FAP: variants seen among roughly 807,000 people sequenced by gnomAD.
The protein encoded by FAP is fibroblast activation protein alpha.
In FAP, 110 loss-of-function variants were observed where a neutral mutation model predicts 126.5. That is an observed-to-expected ratio of 0.87 (90% CI 0.74 to 1.02). The LOEUF is 1.02. Among genes scored for constraint, FAP ranks in the 50% least tolerant of loss-of-function variants. FAP has a pLI of 0.00. For synonymous variants in FAP, 334 were observed against 297.3 expected (o/e 1.12, Z -1.27); for missense variants, 919 against 909.2 (o/e 1.01, Z -0.14).
Position 162,189,134 on chromosome 2 carries a change from T to G in FAP, c.1588A>C (p.Arg530=). The change falls in exon 19 of 26, where the codon AGA becomes CGA. Residue 530 remains arginine, a synonymous_variant. Coordinates refer to ENST00000188790, the MANE Select transcript of FAP (RefSeq NM_004460.5). ...YKMILPPQFD[R]SKKYPLLIQV... ...ATTAGCAAGGGATACTTCTTTGATC[T>G]GTCAAATTGAGGAGGAAGAATCATC... 6.2e-7 allele frequency: 1 copy of G among 1,603,718 alleles called. No homozygotes were observed. Among genetic ancestry groups the G allele is most frequent in the Non-Finnish European group, 8.5e-7 (1 of 1,174,230 alleles).
intron 2 of FAP, among the ~76,000 whole-genome samples, chr2:162,234,256 G>T (rs1303997087): frequency 6.6e-6 from 1 of 152,168 alleles, no homozygotes; most frequent in Non-Finnish European, 1.5e-5. Flanking sequence ...AAGCTATCCA[G>T]GATTTGGATA....
chr2:162,192,255 A>G (rs1688074078), intron 17 of FAP, among the ~76,000 whole-genome samples: 1 of 152,016 alleles, frequency 6.6e-6, no homozygotes, highest in Non-Finnish European at 1.5e-5. Context: ...CCACTGCTCC[A>G]CTGAAATGGC....
intron 6 of FAP, 87 bp downstream of exon 6, chr2:162,223,519 TAA>T: frequency 1.2e-6 from 1 of 826,900 alleles, no homozygotes; most frequent in Non-Finnish European, 2.1e-6. Context: ...ATTAAGAAGA[TAA>T]AGTCTTCTTA....
intron 17 of FAP, among the ~76,000 whole-genome samples, chr2:162,194,345 A>AAAC (rs1407322409): frequency 2.0e-5 from 3 of 151,892 alleles, no homozygotes; most frequent in African/African-American, 7.3e-5. Context: ...AAAAAAAAAA[A>AAAC]AACACCCTAG....
rs759877611 is a variant in FAP, at chr2:162,173,789, T to A, written c.1970-2A>T. The A allele has an allele frequency of 3.2e-6, 5 of 1,580,450 alleles. No homozygotes were observed. The highest frequency in any genetic ancestry group is 4.3e-6 in the Non-Finnish European group (5 of 1,150,078). On this transcript the variant is annotated splice_acceptor_variant, in intron 22 of 25. Transcript: ENST00000188790. LOFTEE classifies it high-confidence loss of function. ...TGAATCTCTCTGTGTAGACAGACGC[T>A]ATAAAATATATGAGAATATGCATTG...
At chr2:162,227,083 A>G (rs986294037) in intron 2 of FAP, among the ~76,000 whole-genome samples, 1 of 152,104 alleles carries the variant, frequency 6.6e-6, no homozygotes, top group Non-Finnish European at 1.5e-5. Flanking sequence ...TTTGGTTCAG[A>G]TTTCAACTGA....
chr2:162,179,804 ATATATATAT>A (rs201815603), intron 21 of FAP, among the ~76,000 whole-genome samples: 4,822 of 139,776 alleles, frequency 0.034, 427 homozygotes, highest in Admixed American at 0.21. Context: ...ATATATATAT[ATATATATAT>A]TTTTTTTTTT....
At chr2:162,235,034 C>T (rs75229796) in intron 2 of FAP, among the ~76,000 whole-genome samples, 5,496 of 152,232 alleles carry the variant, frequency 0.036, 467 homozygotes, top group Admixed American at 0.21. Context: ...GCTGGCCCAC[C>T]GAGGCTGCCC....
chr2:162,184,756 A>C (rs1687805213), intron 20 of FAP, among the ~76,000 whole-genome samples: 1 of 151,568 alleles, frequency 6.6e-6, no homozygotes, highest in Non-Finnish European at 1.5e-5. Flanking sequence ...AAAGAAGAGA[A>C]GGTTCACTTT....
chr2:162,196,211 T>C (rs1688247110), intron 16 of FAP, among the ~76,000 whole-genome samples: 1 of 152,168 alleles, frequency 6.6e-6, no homozygotes, highest in South Asian at 2.1e-4. Context: ...AAAGATAATA[T>C]TTTGGTTTCC....
At chr2:162,226,669 C>T in intron 2 of FAP, 48 bp from the exon 3 acceptor site, 1 of 1,019,880 alleles carries the variant, frequency 9.8e-7, no homozygotes, top group South Asian at 1.5e-5. Flanking sequence ...AGGTTAACAA[C>T]TCAAATAAAT....
At chr2:162,205,497 T>C (rs968400148) in intron 12 of FAP, among the ~76,000 whole-genome samples, 4 of 152,168 alleles carry the variant, frequency 2.6e-5, no homozygotes, top group African/African-American at 7.2e-5. Context: ...AGTAACCTCT[T>C]ATAATGTCTC....
At chr2:162,173,810 C>T in intron 22 of FAP, 23 bp from the exon 23 acceptor site, 1 of 1,441,392 alleles carries the variant, frequency 6.9e-7, no homozygotes, top group East Asian at 2.3e-5. Context: ...TGAGAATATG[C>T]ATTGTTTGCA....
At chr2:162,235,189 C>A (rs1477814085) in intron 2 of FAP, among the ~76,000 whole-genome samples, 1 of 150,438 alleles carries the variant, frequency 6.6e-6, no homozygotes, top group African/African-American at 2.4e-5. Context: ...TCACCTCCTG[C>A]CCCTCCCCCT....
intron 12 of FAP, 71 bp from the exon 13 acceptor site, chr2:162,203,216 A>C (rs746117360): frequency 1.1e-6 from 1 of 952,030 alleles, no homozygotes; most frequent in Non-Finnish European, 1.6e-6. Flanking sequence ...GTTTTAATAT[A>C]TAAAAGCGAC....
chr2:162,204,711 C>T (rs774459183), intron 12 of FAP, among the ~76,000 whole-genome samples: 1 of 152,180 alleles, frequency 6.6e-6, no homozygotes, highest in South Asian at 2.1e-4. Flanking sequence ...TTCAGAATGG[C>T]GAGAGAATAA....
intron 2 of FAP, among the ~76,000 whole-genome samples, chr2:162,231,881 G>T (rs1689914051): frequency 6.6e-6 from 1 of 152,170 alleles, no homozygotes; most frequent in Non-Finnish European, 1.5e-5. Context: ...TGGCTGGCAG[G>T]TCCTTTTGTT....
At chr2:162,173,054 C>A (rs1687370710) in intron 24 of FAP, 95 bp downstream of exon 24, 1 of 1,237,744 alleles carries the variant, frequency 8.1e-7, no homozygotes, top group Admixed American at 1.7e-5. Flanking sequence ...TAGGTACTGA[C>A]CCTGAGCATA....
intron 11 of FAP, among the ~76,000 whole-genome samples, chr2:162,212,628 A>G (rs1486853905): frequency 6.6e-6 from 1 of 152,186 alleles, no homozygotes; most frequent in East Asian, 1.9e-4. Context: ...TTTTTCTTGC[A>G]AAACATAATG....
Sources: allele counts gnomAD v4.1 joint callset (sites outside exome capture counted in the v4.1 genomes callset), GRCh38; gene constraint gnomAD v4.1.1; transcripts MANE v1.5; gene names NCBI Gene and HGNC (gene_info 2026-07-23, HGNC 2026-07-21).